PLAUR: variants seen among roughly 807,000 people sequenced by gnomAD.
PLAUR encodes the protein urokinase plasminogen activator surface receptor.
A neutral mutation model predicts 33.4 loss-of-function variants in PLAUR; 22 were observed. The ratio of observed to expected loss-of-function variants is 0.66; its 90% confidence interval spans 0.47 to 0.94. PLAUR has a LOEUF of 0.94. Among genes scored for constraint, PLAUR ranks in the 40% least tolerant of loss-of-function variants. The pLI is 0.00. For synonymous variants in PLAUR, 148 were observed against 167.3 expected (o/e 0.88, Z 0.89); for missense variants, 408 against 434.7 (o/e 0.94, Z 0.55).
intron 6 of PLAUR, among the ~76,000 whole-genome samples, chr19:43,650,663 T>C (rs906307513): frequency 1.3e-5 from 2 of 152,218 alleles, no homozygotes; most frequent in African/African-American, 2.4e-5. Context: ...TACTTATTTT[T>C]CATTAAAATG....
intron 1 of PLAUR, chr19:43,668,022 G>C: frequency 8.8e-7 from 1 of 1,134,766 alleles, no homozygotes; most frequent in East Asian, 6.1e-5. Flanking sequence ...TTCTATTCCT[G>C]CTCCTATTAG....
At chr19:43,656,791 A>T in intron 3 of PLAUR, 151 bp from the exon 4 acceptor site, 2 of 621,632 alleles carry the variant, frequency 3.2e-6, no homozygotes, top group Non-Finnish European at 5.4e-6. Flanking sequence ...ATCTTTCTAG[A>T]ATCCACCCCC....
intron 3 of PLAUR, 108 bp from the exon 4 acceptor site, chr19:43,656,748 C>T (rs1214442812): frequency 1.1e-6 from 1 of 887,018 alleles, no homozygotes; most frequent in Admixed American, 2.9e-5. Flanking sequence ...ACCCTGCAGC[C>T]AGTCATTGAG....
chr19:43,664,839 C>T (rs894242137), intron 3 of PLAUR, among the ~76,000 whole-genome samples: 3 of 152,222 alleles, frequency 2.0e-5, no homozygotes, highest in African/African-American at 7.2e-5. Context: ...GATGGACAAA[C>T]ATCACTGAGA....
At chr19:43,648,529 A>G (rs1221716888), downstream of PLAUR, 4 of 979,420 alleles carry the variant, frequency 4.1e-6, no homozygotes, top group East Asian at 4.2e-4. Flanking sequence ...GTCCCCCACC[A>G]TTTATCCTCC....
intron 3 of PLAUR, among the ~76,000 whole-genome samples, chr19:43,663,981 T>C (rs776943386): frequency 8.6e-5 from 13 of 152,030 alleles, no homozygotes; most frequent in Non-Finnish European, 1.5e-4. Flanking sequence ...CTGTGACCCA[T>C]CATGGAAAGG....
chr19:43,667,180 G>A (rs1037214649), intron 2 of PLAUR: 2 of 203,778 alleles, frequency 9.8e-6, no homozygotes, highest in Non-Finnish European at 2.0e-5. Context: ...CCAGTGCCCA[G>A]CCTGTTTCCA....
chr19:43,655,619 G>C lies in PLAUR; in HGVS notation c.473-46C>G, dbSNP rs552660378. 13 of 1,580,376 alleles carry C rather than the reference G, an allele frequency of 8.2e-6. No homozygotes were observed. The South Asian group carries it at 1.1e-4, about 14-fold the overall frequency. ...AGGTCAGATGTCAGATTGTGAATGAGGGACTAAGATGGGATTTGCCCGAAA... is the reference window on the plus strand; with the variant it reads ...AGGTCAGATGTCAGATTGTGAATGACGGACTAAGATGGGATTTGCCCGAAA... On this transcript the variant is annotated intron_variant, in intron 4 of 6. Coordinates refer to ENST00000340093, the MANE Select transcript of PLAUR (RefSeq NM_002659.4).
chr19:43,665,492 C>T, intron 2 of PLAUR, 33 bp from the exon 3 acceptor site: 3 of 1,609,358 alleles, frequency 1.9e-6, no homozygotes, highest in Non-Finnish European at 2.5e-6. Flanking sequence ...ACCCCAGAGG[C>T]TCCTCTCAGC....
At chr19:43,662,500 AAAAT>A (rs900429636) in intron 3 of PLAUR, among the ~76,000 whole-genome samples, 7 of 152,134 alleles carry the variant, frequency 4.6e-5, no homozygotes, top group Non-Finnish European at 8.8e-5. Flanking sequence ...CTCCATCTCA[AAAAT>A]AAATAAATAA....
rs774151472 is a variant in PLAUR, at chr19:43,655,460, T to G, written c.586A>C (p.Thr196Pro). The G allele has an allele frequency of 1.2e-6, 2 of 1,614,070 alleles. No homozygotes were observed. The highest frequency in any genetic ancestry group is 1.7e-6 in the Non-Finnish European group (2 of 1,179,994). The change falls in exon 5 of 7, where the codon ACC becomes CCC. Residue 196 changes from threonine (T) to proline (P), a missense_variant. Coordinates refer to ENST00000340093, the MANE Select transcript of PLAUR (RefSeq NM_002659.4). Reference protein sequence around the residue: ...TFHFLKCCNTTKCNEGPILEL... With the variant: ...TFHFLKCCNTPKCNEGPILEL... ...TTACTTGGGCCCTCGTTGCATTTGG[T>G]GGTGTTGCAGCATTTCAGGAAGTGG...
intron 3 of PLAUR, chr19:43,656,946 T>A: frequency 5.3e-6 from 1 of 188,734 alleles, no homozygotes; most frequent in Non-Finnish European, 1.1e-5. Context: ...CTTTCCTTTT[T>A]TTTTTTTTTT....
intron 6 of PLAUR, 114 bp from the exon 7 acceptor site, chr19:43,649,257 A>T: frequency 8.2e-7 from 1 of 1,217,470 alleles, no homozygotes; most frequent in Non-Finnish European, 1.2e-6. Context: ...CACCTAGAGA[A>T]AGCAGCAGTT....
Position 43,651,787 on chromosome 19 carries a change from C to T in PLAUR, c.754+438G>A, listed in dbSNP as rs149798431. On this transcript the variant is annotated intron_variant, in intron 6 of 6. Coordinates refer to ENST00000340093, the MANE Select transcript of PLAUR (RefSeq NM_002659.4). Reference sequence around the variant, plus strand: ...AGTTGAGACCAAAAAGTTTGAGAACCACTGGAATACAGAGACCTTTCCAGG... The same window carrying T: ...AGTTGAGACCAAAAAGTTTGAGAACTACTGGAATACAGAGACCTTTCCAGG... 119 of 990,006 alleles carry T rather than the reference C, an allele frequency of 1.2e-4. No homozygotes were observed. The African/African-American group carries it at 1.9e-3, about 16-fold the overall frequency. The allele number at this position is 990,006 out of a possible 1,614,324, so 61.3% of individuals were successfully genotyped here. A position where few individuals can be genotyped will look rare whatever the true frequency, so the allele number is the denominator to read the frequency against.
downstream of PLAUR, among the ~76,000 whole-genome samples, chr19:43,646,905 C>T (rs545810884): frequency 8.3e-4 from 125 of 151,050 alleles, 1 homozygote; most frequent in Admixed American, 7.5e-3. Flanking sequence ...CTCAGCCTTC[C>T]GAGTAGCTGG....
In PLAUR at chr19:43,653,058, C is replaced by T. The variant is rs140744854; in HGVS notation, c.608-687G>A. Among the ~76,000 whole-genome samples the T allele has an allele frequency of 3.6e-3, 546 of 152,220 alleles. 1 individual carries two copies. The highest frequency in any genetic ancestry group is 0.013 in the African/African-American group (520 of 41,522). ...AAACTCCTGGCCTCAGGCGACCCTC[C>T]CGCCTCCGCCTCCAAAAGTGCTGGG... On this transcript the variant is annotated intron_variant, in intron 5 of 6. Coordinates refer to ENST00000340093, the MANE Select transcript of PLAUR (RefSeq NM_002659.4).
intron 3 of PLAUR, among the ~76,000 whole-genome samples, chr19:43,661,854 A>G (rs1967012641): frequency 6.6e-6 from 1 of 151,924 alleles, no homozygotes; most frequent in Non-Finnish European, 1.5e-5. Flanking sequence ...ATCCACCACT[A>G]AGGCCTGCTT....
At chr19:43,669,740 C>T (rs943529439) in intron 1 of PLAUR, among the ~76,000 whole-genome samples, 2 of 132,208 alleles carry the variant, frequency 1.5e-5, no homozygotes, top group African/African-American at 2.8e-5. Context: ...TGAACCCGGG[C>T]GGCAGAGGTT....
intron 1 of PLAUR, among the ~76,000 whole-genome samples, chr19:43,669,360 C>T (rs1224981633): frequency 1.3e-5 from 2 of 152,138 alleles, no homozygotes; most frequent in Non-Finnish European, 2.9e-5. Context: ...GGGGGCGCTG[C>T]AGGGTCAGAT....
Sources: gnomAD v4.1 joint callset for allele counts (sites outside exome capture counted in the v4.1 genomes callset) on GRCh38, gnomAD v4.1.1 for gene constraint, MANE v1.5 for transcripts, NCBI Gene and HGNC (gene_info 2026-07-23, HGNC 2026-07-21) for gene names.